SHISA9: variants seen among roughly 807,000 people sequenced by gnomAD.
The protein encoded by SHISA9 is protein shisa-9.
A neutral mutation model predicts 38.0 loss-of-function variants in SHISA9; 13 were observed. The observed-to-expected ratio is 0.34, with a 90% CI of 0.22 to 0.54. The LOEUF (loss-of-function observed/expected upper bound fraction) is 0.54, where lower values mean the gene tolerates loss of function less well. SHISA9 is among the 20% of genes least tolerant of loss of function. The pLI is 0.91. For missense variants in SHISA9, 538 were observed against 575.8 expected, an observed-to-expected ratio of 0.93 and a Z score of 0.67; for synonymous variants, 275 against 242.0, an observed-to-expected ratio of 1.14 and a Z score of -1.27.
intron 2 of SHISA9, among the ~76,000 whole-genome samples, chr16:13,167,066 TTTTTTC>T (rs2050643302): frequency 7.8e-6 from 1 of 128,140 alleles, no homozygotes; most frequent in African/African-American, 3.0e-5. Context: ...TCTCTCTCTC[TTTTTTC>T]TTTTTTTTTT....
At chr16:13,053,687 T>C (rs535990671) in intron 2 of SHISA9, among the ~76,000 whole-genome samples, 1 of 152,292 alleles carries the variant, frequency 6.6e-6, no homozygotes, top group African/African-American at 2.4e-5. Context: ...ACTGAACTCA[T>C]TCCTGCCTCA....
the SHISA9 span, among the ~76,000 whole-genome samples, chr16:13,472,804 C>G: frequency 3.9e-5 from 6 of 152,166 alleles, no homozygotes; most frequent in Admixed American, 2.0e-4. Context: ...TTAATTCCAT[C>G]TACTGTTTTT....
the SHISA9 span, among the ~76,000 whole-genome samples, chr16:13,443,708 G>C: frequency 1.3e-5 from 2 of 152,156 alleles, no homozygotes; most frequent in African/African-American, 2.4e-5. Flanking sequence ...CTTGTTCTGC[G>C]ACTTCTATGA....
intron 2 of SHISA9, among the ~76,000 whole-genome samples, chr16:13,134,537 G>A (rs1284647213): frequency 1.3e-5 from 2 of 152,080 alleles, no homozygotes; most frequent in African/African-American, 4.8e-5. Flanking sequence ...CTTAAAGAAG[G>A]GATAGGATTT....
intron 2 of SHISA9, among the ~76,000 whole-genome samples, chr16:13,115,466 G>C (rs934189019): frequency 6.6e-6 from 1 of 152,238 alleles, no homozygotes; most frequent in African/African-American, 2.4e-5. Context: ...TTAAGACAGA[G>C]ATCACTAATG....
intron 2 of SHISA9, among the ~76,000 whole-genome samples, chr16:13,019,969 T>TTCCC (rs2141864664): frequency 2.0e-5 from 1 of 50,914 alleles, no homozygotes; most frequent in Non-Finnish European, 3.5e-5. Context: ...CCCTCCTTCT[T>TTCCC]TCCTTCCTTC....
At chr16:13,458,313 T>G in the SHISA9 span, 1 of 263,390 alleles carries the variant, frequency 3.8e-6, no homozygotes, top group Non-Finnish European at 7.4e-6. Context: ...TCATAAAAAT[T>G]ATTGAGACTC....
the SHISA9 span, among the ~76,000 whole-genome samples, chr16:13,396,729 C>G: frequency 6.6e-6 from 1 of 152,116 alleles, no homozygotes; most frequent in African/African-American, 2.4e-5. Flanking sequence ...AAGGCTCTTC[C>G]CTTTCTTGTG....
At chr16:13,449,750 A>G in the SHISA9 span, among the ~76,000 whole-genome samples, 1 of 152,120 alleles carries the variant, frequency 6.6e-6, no homozygotes, top group Non-Finnish European at 1.5e-5. Flanking sequence ...GCTTCTACCC[A>G]TATGTCCCAC....
At chr16:13,482,055 G>A in the SHISA9 span, among the ~76,000 whole-genome samples, 7 of 152,166 alleles carry the variant, frequency 4.6e-5, 1 homozygote, top group African/African-American at 1.4e-4. Flanking sequence ...TTCCAGATCC[G>A]CATCTGTGCT....
chr16:13,112,018 G>A lies in SHISA9; in HGVS notation c.692-91376G>A, dbSNP rs531440428. 1.8e-4 allele frequency among the ~76,000 whole-genome samples: 27 copies of A among 152,276 alleles called. No homozygotes were observed. The South Asian group carries it at 5.6e-3, about 32-fold the overall frequency. On this transcript the variant is annotated intron_variant, in intron 2 of 4. Transcript: ENST00000558583. ...AAAACCAGGTCTGTCTGACTTTCGG[G>A]CCTTTGCTCTTTCCCATTTGTCTTC...
At chr16:13,151,460 G>A (rs1480945664) in intron 2 of SHISA9, among the ~76,000 whole-genome samples, 1 of 152,062 alleles carries the variant, frequency 6.6e-6, no homozygotes, top group Non-Finnish European at 1.5e-5. Context: ...ACAACAACCA[G>A]CTCACCTTCT....
chr16:12,972,147 A>C lies in SHISA9; in HGVS notation c.691+55332A>C, dbSNP rs1455850130. ...ATAATGATAAATAAAGGTAAATAAAAATAAATTATGATCATTTCCAATGGT... is the reference window on the plus strand; with the variant it reads ...ATAATGATAAATAAAGGTAAATAAACATAAATTATGATCATTTCCAATGGT... On this transcript the variant is annotated intron_variant, in intron 2 of 4. Transcript: ENST00000558583. Among the ~76,000 whole-genome samples, 3 of 151,936 alleles carry C rather than the reference A, an allele frequency of 2.0e-5. No individual in the cohort carries two copies. In the East Asian group the frequency reaches 5.8e-4, roughly 29 times the overall value.
At chr16:13,256,819 G>A in the SHISA9 span, among the ~76,000 whole-genome samples, 1 of 152,208 alleles carries the variant, frequency 6.6e-6, no homozygotes, top group Non-Finnish European at 1.5e-5. Context: ...GACAAGAATA[G>A]TTTATGATTT....
the SHISA9 span, among the ~76,000 whole-genome samples, chr16:13,445,555 GA>G: frequency 6.6e-6 from 1 of 152,162 alleles, no homozygotes; most frequent in East Asian, 1.9e-4. Context: ...AGGTGAATTT[GA>G]AATTATTTTG....
chr16:13,204,206 G>GTCTATCTA (rs760365316), intron 3 of SHISA9, among the ~76,000 whole-genome samples: 1,909 of 138,086 alleles, frequency 0.014, 21 homozygotes, highest in Middle Eastern at 0.03. Context: ...TTATCTGTCT[G>GTCTATCTA]TCTGTCTATC....
At chr16:13,099,317 T>C (rs2073856275) in intron 2 of SHISA9, among the ~76,000 whole-genome samples, 1 of 152,150 alleles carries the variant, frequency 6.6e-6, no homozygotes, top group Admixed American at 6.5e-5. Context: ...TGATGGGACT[T>C]TCCTGGAGCA....
chr16:13,109,667 T>C (rs770379735), intron 2 of SHISA9, among the ~76,000 whole-genome samples: 8 of 152,196 alleles, frequency 5.3e-5, no homozygotes, highest in South Asian at 2.1e-4. Flanking sequence ...ATAAGATCCT[T>C]GTGCCTGTTC....
intron 2 of SHISA9, among the ~76,000 whole-genome samples, chr16:13,037,156 A>T (rs1484508102): frequency 2.8e-5 from 4 of 142,056 alleles, no homozygotes; most frequent in Non-Finnish European, 4.6e-5. Context: ...ACACACACAC[A>T]CTGTTGGTCC....
Sources: allele counts gnomAD v4.1 joint callset (sites outside exome capture counted in the v4.1 genomes callset), GRCh38; gene constraint gnomAD v4.1.1; transcripts MANE v1.5; gene names NCBI Gene and HGNC (gene_info 2026-07-23, HGNC 2026-07-21).